The following PLD5 variants were observed in gnomAD, a reference collection of about 807,000 sequenced individuals.
The protein encoded by PLD5 is phospholipase D family member 5.
In PLD5, 36 loss-of-function variants were observed where a neutral mutation model predicts 61.1. The ratio of observed to expected loss-of-function variants is 0.59; its 90% confidence interval spans 0.45 to 0.78. The LOEUF (loss-of-function observed/expected upper bound fraction) is 0.78. PLD5 is among the 30% of genes least tolerant of loss of function. PLD5 has a pLI of 0.00. For synonymous variants in PLD5, 243 were observed against 242.8 expected (o/e 1.00, Z -0.01); for missense variants, 515 against 644.4 (o/e 0.80, Z 2.17).
intron 1 of PLD5, among the ~76,000 whole-genome samples, chr1:242,484,861 A>G (rs1349717520): frequency 2.6e-5 from 4 of 152,216 alleles, no homozygotes; most frequent in African/African-American, 9.6e-5. Flanking sequence ...CTTATCCACC[A>G]TGATCAAGTG....
chr1:242,130,694 C>T (rs1015616041), intron 5 of PLD5, among the ~76,000 whole-genome samples: 7 of 152,100 alleles, frequency 4.6e-5, no homozygotes, highest in African/African-American at 1.7e-4. Context: ...CAGCCCTGTC[C>T]AGCCTCTGTG....
chr1:242,111,992 G>A (rs1330275161), intron 7 of PLD5, among the ~76,000 whole-genome samples: 5 of 152,100 alleles, frequency 3.3e-5, no homozygotes, highest in Admixed American at 2.6e-4. Flanking sequence ...TGACCAGGAA[G>A]AATCTCAATT....
intron 4 of PLD5, among the ~76,000 whole-genome samples, chr1:242,248,736 C>T (rs1672531610): frequency 6.6e-6 from 1 of 152,116 alleles, no homozygotes; most frequent in South Asian, 2.1e-4. Flanking sequence ...GTAGCATGTA[C>T]TCTTTCCTCA....
intron 4 of PLD5, among the ~76,000 whole-genome samples, chr1:242,243,159 A>T (rs1378598314): frequency 6.6e-6 from 1 of 152,206 alleles, no homozygotes; most frequent in Non-Finnish European, 1.5e-5. Flanking sequence ...CACACACTTA[A>T]CACATATGCC....
intron 1 of PLD5, among the ~76,000 whole-genome samples, chr1:242,441,642 A>T (rs1208313359): frequency 6.6e-6 from 1 of 152,096 alleles, no homozygotes; most frequent in Non-Finnish European, 1.5e-5. Flanking sequence ...TTACTTTTGC[A>T]CATTTTAAAG....
At chr1:242,201,374 T>C (rs1668978596) in intron 5 of PLD5, among the ~76,000 whole-genome samples, 1 of 152,150 alleles carries the variant, frequency 6.6e-6, no homozygotes, top group Non-Finnish European at 1.5e-5. Context: ...TTTTTTCCAA[T>C]TAAAAATATG....
At chr1:242,431,344 A>G (rs938260708) in intron 1 of PLD5, among the ~76,000 whole-genome samples, 1 of 152,204 alleles carries the variant, frequency 6.6e-6, no homozygotes. Flanking sequence ...GGTCAACATG[A>G]TCTCTTTTAA....
At chr1:242,383,566 T>C (rs956415468) in intron 1 of PLD5, among the ~76,000 whole-genome samples, 1 of 152,044 alleles carries the variant, frequency 6.6e-6, no homozygotes, top group African/African-American at 2.4e-5. Flanking sequence ...AGCAGAAGCT[T>C]CTGCCTAAGC....
chr1:242,327,221 G>A (rs1232578202), intron 2 of PLD5, among the ~76,000 whole-genome samples: 2 of 151,934 alleles, frequency 1.3e-5, no homozygotes, highest in Non-Finnish European at 2.9e-5. Flanking sequence ...TGCCCAGGCT[G>A]GTCTTGAACA....
intron 1 of PLD5, among the ~76,000 whole-genome samples, chr1:242,522,406 T>C (rs1209085799): frequency 6.6e-6 from 1 of 152,172 alleles, no homozygotes; most frequent in African/African-American, 2.4e-5. Flanking sequence ...ACTTGATACT[T>C]TCAATGAAAA....
At chr1:242,380,091 T>C (rs1162265626) in intron 1 of PLD5, among the ~76,000 whole-genome samples, 1 of 152,228 alleles carries the variant, frequency 6.6e-6, no homozygotes, top group Non-Finnish European at 1.5e-5. Flanking sequence ...GGGGGTTCTA[T>C]GGCAAACCAA....
At chr1:242,261,785 T>C (rs1302321666) in intron 4 of PLD5, among the ~76,000 whole-genome samples, 1 of 152,162 alleles carries the variant, frequency 6.6e-6, no homozygotes, top group East Asian at 1.9e-4. Context: ...AGATACAACA[T>C]GATACGTATC....
intron 1 of PLD5, among the ~76,000 whole-genome samples, chr1:242,407,115 G>T (rs943860964): frequency 6.6e-6 from 1 of 152,100 alleles, no homozygotes; most frequent in Non-Finnish European, 1.5e-5. Flanking sequence ...CTGGGGGCGG[G>T]TCTTTCTCAT....
intron 5 of PLD5, among the ~76,000 whole-genome samples, chr1:242,155,221 C>T (rs1334276068): frequency 6.6e-6 from 1 of 151,710 alleles, no homozygotes; most frequent in Non-Finnish European, 1.5e-5. Context: ...TTTTGTGTGT[C>T]TATTTGATTC....
chr1:242,292,406 A>G (rs1675420540), intron 2 of PLD5, among the ~76,000 whole-genome samples: 1 of 152,242 alleles, frequency 6.6e-6, no homozygotes, highest in Admixed American at 6.5e-5. Flanking sequence ...CAGGAAGCCC[A>G]GATAAACCAA....
intron 5 of PLD5, among the ~76,000 whole-genome samples, chr1:242,160,893 A>G (rs1002814013): frequency 6.6e-6 from 1 of 152,006 alleles, no homozygotes; most frequent in African/African-American, 2.4e-5. Flanking sequence ...TCAAAAAATA[A>G]TAATTAAAAA....
At position 242,110,141 on chromosome 1, in the gene PLD5, T is replaced by C. The variant is rs143577721; in HGVS notation, c.1071-2302A>G. ...TTAGAGACCTTTAGAGGTGCAATGA[T>C]CATGACACTGGCAGGCTACAGTTTC... On this transcript the variant is annotated intron_variant, in intron 7 of 9. Transcript: ENST00000536534. Among the ~76,000 whole-genome samples the C allele has an allele frequency of 5.2e-3, 778 of 151,032 alleles. 3 individuals are homozygous for C. Among genetic ancestry groups the C allele is most frequent in the Non-Finnish European group, 8.7e-3 (590 of 67,826 alleles).
intron 5 of PLD5, among the ~76,000 whole-genome samples, chr1:242,181,723 C>T (rs918852461): frequency 3.3e-5 from 5 of 151,532 alleles, no homozygotes; most frequent in Admixed American, 6.6e-5. Flanking sequence ...AGTGCAGTGG[C>T]GAGATCTCGG....
intron 2 of PLD5, among the ~76,000 whole-genome samples, chr1:242,319,289 G>A (rs1658231255): frequency 6.6e-6 from 1 of 151,650 alleles, no homozygotes; most frequent in South Asian, 2.1e-4. Context: ...ACAACTGCAT[G>A]ATAAAAAGAG....
Sources: allele counts gnomAD v4.1 joint callset (sites outside exome capture counted in the v4.1 genomes callset), GRCh38; gene constraint gnomAD v4.1.1; transcripts MANE v1.5; gene names NCBI Gene and HGNC (gene_info 2026-07-23, HGNC 2026-07-21).